Variants in DMXL2 observed in about 807,000 individuals in gnomAD.
The protein encoded by DMXL2 is dmX-like protein 2.
Under a neutral mutation model 331.1 loss-of-function variants are expected in DMXL2, and 103 were observed. The observed-to-expected ratio is 0.31, with a 90% CI of 0.27 to 0.37. DMXL2 has a LOEUF of 0.37. DMXL2 is among the 10% of genes least tolerant of loss of function. The pLI, the probability that DMXL2 is intolerant of heterozygous loss-of-function variation, is 1.00. For synonymous variants in DMXL2, 1,281 were observed against 1,252.1 expected, an observed-to-expected ratio of 1.02 and a Z score of -0.49; for missense variants, 3,171 against 3,642.9, an observed-to-expected ratio of 0.87 and a Z score of 3.33.
intron 1 of DMXL2, among the ~76,000 whole-genome samples, chr15:51,586,584 TA>T (rs34482763): frequency 1.2e-4 from 18 of 151,082 alleles, no homozygotes; most frequent in African/African-American, 4.1e-4. Context: ...TTAATGTTAC[TA>T]AAAAAAAACT....
chr15:51,488,110 A>G lies in DMXL2; in HGVS notation c.5061T>C (p.His1687=), dbSNP rs745907142. Residue 1687 remains histidine, a synonymous_variant, in exon 22 of 44, where the codon CAT becomes CAC. Transcript: ENST00000560891. ...AVVWGLFRSQ[H]DEKMTTFFSH... The stretch of plus-strand genomic sequence containing the variant: ...TGAAAAATGTTGTCATTTTTTCATC[A>G]TGCTGTGACCTGGGGACCGAGCATA... The G allele has an allele frequency of 2.8e-5, 45 of 1,607,842 alleles. No individual in the cohort carries two copies. Among genetic ancestry groups the G allele is most frequent in the Non-Finnish European group, 3.6e-5 (42 of 1,177,362 alleles).
At chr15:51,460,933 A>T (rs557391494) in intron 33 of DMXL2, among the ~76,000 whole-genome samples, 1 of 152,146 alleles carries the variant, frequency 6.6e-6, no homozygotes, top group Non-Finnish European at 1.5e-5. Context: ...CAGTTTCTCA[A>T]TCATGCTAGC....
chr15:51,534,218 T>A (rs759564739), intron 13 of DMXL2, among the ~76,000 whole-genome samples: 1 of 152,116 alleles, frequency 6.6e-6, no homozygotes, highest in African/African-American at 2.4e-5. Flanking sequence ...GTTTTAGTCA[T>A]CCTACAAGGC....
intron 1 of DMXL2, among the ~76,000 whole-genome samples, chr15:51,620,282 G>C (rs1191196017): frequency 6.6e-6 from 1 of 152,162 alleles, no homozygotes; most frequent in African/African-American, 2.4e-5. Context: ...AGTTAAATGA[G>C]ATGGTGTGCA....
At chr15:51,543,830 AT>A (rs1567095397) in intron 8 of DMXL2, among the ~76,000 whole-genome samples, 1 of 152,090 alleles carries the variant, frequency 6.6e-6, no homozygotes, top group African/African-American at 2.4e-5. Flanking sequence ...TTTCTGTTCT[AT>A]TTTACATGGC....
rs368879102 is a variant in DMXL2 at position 51,500,211 on chromosome 15, T to C, written c.3013A>G (p.Ile1005Val). The change falls in exon 18 of 44, where the codon ATT becomes GTT. Residue 1005 changes from isoleucine to valine, a missense_variant. Physicochemically the swap from Ile to Val is conservative, Grantham distance 29. This residue lies in a region of DMXL2 where 1,674 missense variants were observed against 1,780.2 expected (regional missense o/e 0.94). Transcript: ENST00000560891. The stretch of plus-strand genomic sequence containing the variant: ...TAAGGTGCAAGGCACACTGGATAAA[T>C]TGAAGAAGAACTCAGATGGCCTTAA... ...PSAGHLSSSS[I>V]YPVCLAPYLV... 1 of 1,603,144 alleles carries C rather than the reference T, an allele frequency of 6.2e-7. No homozygotes were observed.
chr15:51,499,367 T>C lies in DMXL2; in HGVS notation c.3857A>G (p.Asp1286Gly). ...HAVKFGDTEA[D>G]SSNAEEAAMQ... is the part of the protein sequence containing the mutation. ...TGCTGCCTCTTCTGCATTAGAACTATCAGCTTCAGTGTCTCCAAATTTGAC... is the reference window on the plus strand; with the variant it reads ...TGCTGCCTCTTCTGCATTAGAACTACCAGCTTCAGTGTCTCCAAATTTGAC... Residue 1286 changes from aspartate to glycine, a missense_variant, in exon 18 of 44, where the codon GAT becomes GGT. Around this residue, in one of 7 missense-constraint regions of DMXL2, gnomAD observed 1,674 missense variants for 1,780.2 expected, o/e 0.94. Transcript: ENST00000560891. 6.2e-7 allele frequency: 1 copy of C among 1,613,906 alleles called. No homozygotes were observed. The highest frequency in any genetic ancestry group is 1.1e-5 in the South Asian group (1 of 91,084).
intron 28 of DMXL2, among the ~76,000 whole-genome samples, chr15:51,474,047 T>C (rs1288817357): frequency 6.6e-6 from 1 of 152,080 alleles, no homozygotes; most frequent in Non-Finnish European, 1.5e-5. Context: ...CTACTCTTTT[T>C]GTATGACTTT....
At position 51,499,467 on chromosome 15, in the gene DMXL2, A is replaced by C. The variant is rs751230714; in HGVS notation, c.3757T>G (p.Ser1253Ala). 7.4e-6 allele frequency: 12 copies of C among 1,613,966 alleles called. No individual in the cohort carries two copies. The highest frequency in any genetic ancestry group is 5.0e-5 in the Admixed American group (3 of 60,002). The change falls in exon 18 of 44, where the codon TCT becomes GCT. Residue 1253 changes from serine to alanine, a missense_variant. Physicochemically the swap from Ser to Ala is moderately conservative, Grantham distance 99. This residue lies in a region of DMXL2 where 1,674 missense variants were observed against 1,780.2 expected (regional missense o/e 0.94). Transcript: ENST00000560891. The part of the protein sequence containing the change: ...DGTPSLPVSL[S>A]WVRDGILVVG... ...ACCAATATCCCATCTCTTACCCAAG[A>C]GAGAGAAACAGGCAGTGAAGGAGTA...
chr15:51,527,898 C>A (rs1296364086), intron 13 of DMXL2, among the ~76,000 whole-genome samples: 3 of 151,686 alleles, frequency 2.0e-5, no homozygotes, highest in East Asian at 3.9e-4. Context: ...ACAGATGGTA[C>A]AAAAAGATAC....
In DMXL2 at chr15:51,460,070, T is replaced by C. The variant is rs541774145; in HGVS notation, c.7927-410A>G. On this transcript the variant is annotated intron_variant, in intron 33 of 43. Transcript: ENST00000560891. ...TAAAATATTTATTTCTAAACATAGA[T>C]TCAAAATATTGATAATTATTTCACT... The C allele has an allele frequency of 5.3e-6, 5 of 941,916 alleles. No individual in the cohort carries two copies. The South Asian group carries it at 2.0e-4, about 37-fold the overall frequency. 58.3% of individuals were successfully genotyped at this position (941,916 alleles called of 1,614,324 possible).
At chr15:51,451,794 C>A in intron 41 of DMXL2, 97 bp from the exon 42 acceptor site, 10 of 1,080,390 alleles carry the variant, frequency 9.3e-6, no homozygotes, top group Non-Finnish European at 1.4e-5. Flanking sequence ...TTTGCTTATT[C>A]ATTCTTATCT....
intron 23 of DMXL2, among the ~76,000 whole-genome samples, chr15:51,483,700 G>A (rs186339574): frequency 2.6e-5 from 4 of 152,026 alleles, no homozygotes; most frequent in East Asian, 3.9e-4. Context: ...AAGGCCCTGC[G>A]CCTGCAATCA....
At chr15:51,541,599 A>G (rs2048600756) in intron 9 of DMXL2, among the ~76,000 whole-genome samples, 1 of 152,166 alleles carries the variant, frequency 6.6e-6, no homozygotes. Flanking sequence ...GTATTTACAT[A>G]CAGAAACATT....
intron 33 of DMXL2, 186 bp from the exon 34 acceptor site, chr15:51,459,846 G>C (rs2039969486): frequency 8.6e-7 from 1 of 1,162,352 alleles, no homozygotes. Flanking sequence ...AAAGCCAAAA[G>C]AGCAAAATTA....
At chr15:51,598,246 C>A (rs1641861775) in intron 1 of DMXL2, among the ~76,000 whole-genome samples, 1 of 152,134 alleles carries the variant, frequency 6.6e-6, no homozygotes, top group Admixed American at 6.6e-5. Context: ...ATAAAAAGTT[C>A]CTGTATACCA....
Position 51,499,371 on chromosome 15 carries a change from C to A in DMXL2, c.3853G>T (p.Ala1285Ser). ...KHAVKFGDTE[A>S]DSSNAEEAAM... The stretch of plus-strand genomic sequence containing the variant: ...GCCTCTTCTGCATTAGAACTATCAG[C>A]TTCAGTGTCTCCAAATTTGACAGCA... Residue 1285 changes from alanine (A) to serine (S), a missense_variant, in exon 18 of 44, where the codon GCT (alanine) becomes TCT (serine). Transcript: ENST00000560891. The A allele has an allele frequency of 6.2e-7, 1 of 1,613,916 alleles. No individual in the cohort carries two copies. Among genetic ancestry groups the A allele is most frequent in the Non-Finnish European group, 8.5e-7 (1 of 1,179,988 alleles).
chr15:51,594,963 C>A (rs2052683309), intron 1 of DMXL2, among the ~76,000 whole-genome samples: 2 of 152,276 alleles, frequency 1.3e-5, no homozygotes, highest in Admixed American at 6.5e-5. Flanking sequence ...CAGCCAATAT[C>A]ATAGTGAATG....
At chr15:51,617,563 G>C (rs945675236) in intron 1 of DMXL2, among the ~76,000 whole-genome samples, 2 of 152,206 alleles carry the variant, frequency 1.3e-5, no homozygotes, top group Non-Finnish European at 2.9e-5. Context: ...GTAAATACAA[G>C]TGAGAAGCAA....
Sources: allele counts gnomAD v4.1 joint callset (sites outside exome capture counted in the v4.1 genomes callset), GRCh38; gene constraint gnomAD v4.1.1; regional missense constraint gnomAD v4.1.1; transcripts MANE v1.5; gene names NCBI Gene and HGNC (gene_info 2026-07-23, HGNC 2026-07-21).